Variants in UBR4 observed in about 807,000 individuals in gnomAD.
UBR4 encodes the protein ubiquitin protein ligase E3 component n-recognin 4.
In UBR4, 124 loss-of-function variants were observed where a neutral mutation model predicts 575.6. That is an observed-to-expected ratio of 0.22 (90% CI 0.19 to 0.25). UBR4 has a LOEUF of 0.25. Among genes scored for constraint, UBR4 ranks in the 10% least tolerant of loss-of-function variants. UBR4 has a pLI of 1.00. For synonymous variants in UBR4, 2,455 were observed against 2,473.7 expected (o/e 0.99, Z 0.22); for missense variants, 4,818 against 6,478.8 (o/e 0.74, Z 8.80).
rs1422629224 is a variant in UBR4 at position 19,088,532 on chromosome 1, T to C, written c.14430+227A>G. ...TCCTCAATAAACTTAATGGCTATTA[T>C]CACTGGTTTACTGTTTTGGTAAACT... On this transcript the variant is annotated intron_variant, in intron 98 of 105. Transcript: ENST00000375254. This position sits in a 1 kb window ranked among gnomAD's most constrained non-coding sequence, Gnocchi z 4.0. 6.6e-6 allele frequency among the ~76,000 whole-genome samples: 1 copy of C among 152,244 alleles called. No individual in the cohort carries two copies. The highest frequency in any genetic ancestry group is 1.5e-5 in the Non-Finnish European group (1 of 68,046).
At chr1:19,189,573 T>C (rs2091878365) in intron 11 of UBR4, among the ~76,000 whole-genome samples, 1 of 152,232 alleles carries the variant, frequency 6.6e-6, no homozygotes, top group Non-Finnish European at 1.5e-5. Context: ...ATATATTTTA[T>C]ATGTGCACAG....
intron 49 of UBR4, among the ~76,000 whole-genome samples, chr1:19,149,015 A>T (rs2085280116): frequency 6.6e-6 from 1 of 152,226 alleles, no homozygotes; most frequent in Non-Finnish European, 1.5e-5. Flanking sequence ...ACACAAAGGG[A>T]AAGGTAAAAA....
At chr1:19,126,350 T>C in intron 64 of UBR4, 96 bp downstream of exon 64, 1 of 1,470,422 alleles carries the variant, frequency 6.8e-7, no homozygotes, top group Non-Finnish European at 9.4e-7. Context: ...CCTATGGCTC[T>C]TCACCCTCAG....
At position 19,176,606 on chromosome 1, in the gene UBR4, T is replaced by A; in HGVS notation, c.2759A>T (p.Lys920Met). 6.2e-7 allele frequency: 1 copy of A among 1,613,866 alleles called. No homozygotes were observed. Among genetic ancestry groups the A allele is most frequent in the East Asian group, 2.2e-5 (1 of 44,890 alleles). ...TTCTTTCTGACCTGATGAGAAATGC[T>A]TAGACCAGTTTTCTTCTACTTCTTT... The part of the protein sequence containing the change: ...GFKEVEENWS[K>M]HFSSDAVPHP... The change falls in exon 20 of 106, where the codon AAG becomes ATG. Residue 920 changes from lysine to methionine, a missense_variant. Coordinates refer to ENST00000375254, the MANE Select transcript of UBR4 (RefSeq NM_020765.3).
At chr1:19,188,503 G>C (rs571667543) in intron 11 of UBR4, among the ~76,000 whole-genome samples, 2 of 152,026 alleles carry the variant, frequency 1.3e-5, no homozygotes, top group Non-Finnish European at 2.9e-5. Context: ...GCAGTGAACT[G>C]TGTTCATACT....
chr1:19,085,419 G>T (rs2076919913), intron 101 of UBR4, among the ~76,000 whole-genome samples: 1 of 152,230 alleles, frequency 6.6e-6, no homozygotes, highest in Non-Finnish European at 1.5e-5. Context: ...CTACTTGGGA[G>T]GCTGAGGCGG....
Position 19,139,559 on chromosome 1 carries a change from T to A in UBR4, c.8594-339A>T, listed in dbSNP as rs1227171319. ...AAGAATCTGTGACATGGACGCTGAG[T>A]TTTCTAGCTAAAATGCTTCATGGTC... is the stretch of plus-strand genomic sequence containing the variant. On this transcript the variant is annotated intron_variant, in intron 58 of 105. Transcript: ENST00000375254. The surrounding 1 kb of genome is among the most constrained non-coding windows in gnomAD (Gnocchi z 4.2). Among the ~76,000 whole-genome samples the A allele has an allele frequency of 6.6e-6, 1 of 151,988 alleles. No individual in the cohort carries two copies. Among genetic ancestry groups the A allele is most frequent in the South Asian group, 2.1e-4 (1 of 4,806 alleles).
chr1:19,093,223 C>A lies in UBR4; in HGVS notation c.14111+90G>T. ...GGCCCCAAGGAGGGCAAGGGGCACACGTGAAGCTTTATGCCAAGATGCTGA... is the reference window on the plus strand; with the variant it reads ...GGCCCCAAGGAGGGCAAGGGGCACAAGTGAAGCTTTATGCCAAGATGCTGA... On this transcript the variant is annotated intron_variant, in intron 96 of 105. Coordinates refer to ENST00000375254, the MANE Select transcript of UBR4 (RefSeq NM_020765.3). The surrounding 1 kb of genome is among the most constrained non-coding windows in gnomAD (Gnocchi z 4.8). 2 of 1,512,006 alleles carry A rather than the reference C, an allele frequency of 1.3e-6. No homozygotes were observed. Among genetic ancestry groups the A allele is most frequent in the East Asian group, 2.3e-5 (1 of 44,230 alleles). 93.7% of individuals were successfully genotyped at this position (1,512,006 alleles called of 1,614,324 possible).
intron 34 of UBR4, 96 bp from the exon 35 acceptor site, chr1:19,162,707 GA>G (rs1410299258): frequency 1.6e-5 from 22 of 1,385,348 alleles, no homozygotes; most frequent in Non-Finnish European, 2.0e-5. Flanking sequence ...CAAGATCAGA[GA>G]AATGGTATGA....
At chr1:19,181,898 A>C (rs538142983) in intron 17 of UBR4, among the ~76,000 whole-genome samples, 2 of 152,256 alleles carry the variant, frequency 1.3e-5, no homozygotes, top group South Asian at 4.1e-4. Flanking sequence ...ACTACCATCC[A>C]CGTCCAGAAC....
intron 97 of UBR4, among the ~76,000 whole-genome samples, chr1:19,091,410 G>C (rs1361248403): frequency 6.6e-6 from 1 of 152,186 alleles, no homozygotes; most frequent in Non-Finnish European, 1.5e-5. Context: ...ATTACCAAAT[G>C]AGACAGTGGA....
chr1:19,135,618 G>A (rs1433316117), intron 60 of UBR4, among the ~76,000 whole-genome samples: 4 of 152,070 alleles, frequency 2.6e-5, no homozygotes, highest in Non-Finnish European at 5.9e-5. Context: ...CCTATTTGAT[G>A]TTTTTTAATG....
At chr1:19,108,380 T>A (rs1459486683) in intron 81 of UBR4, among the ~76,000 whole-genome samples, 1 of 152,100 alleles carries the variant, frequency 6.6e-6, no homozygotes, top group Non-Finnish European at 1.5e-5. Flanking sequence ...AATTTGCCCA[T>A]CAGCCATTTT....
Position 19,093,821 on chromosome 1 carries a change from T to G in UBR4, c.13937+128A>C, listed in dbSNP as rs944810318. 5 of 1,093,466 alleles carry G rather than the reference T, an allele frequency of 4.6e-6. No homozygotes were observed. Among genetic ancestry groups the G allele is most frequent in the Non-Finnish European group, 6.5e-6 (5 of 774,936 alleles). The allele number at this position is 1,093,466 out of a possible 1,614,324, so 67.7% of individuals were successfully genotyped here. A position where few individuals can be genotyped will look rare whatever the true frequency, so the allele number is the denominator to read the frequency against. On this transcript the variant is annotated intron_variant, in intron 95 of 105. Transcript: ENST00000375254. This position sits in a 1 kb window ranked among gnomAD's most constrained non-coding sequence, Gnocchi z 4.8. The stretch of plus-strand genomic sequence containing the variant: ...TATTCACTTCCCAACTAGACTGAGC[T>G]CCTTAAAAGCCAGAACGAGGACACA...
intron 12 of UBR4, 64 bp downstream of exon 12, chr1:19,187,377 C>A: frequency 1.2e-6 from 2 of 1,610,776 alleles, no homozygotes; most frequent in Non-Finnish European, 1.7e-6. Flanking sequence ...ATGGATCAAG[C>A]TTGCTTGGCC....
chr1:19,166,734 A>C (rs1425712780), intron 29 of UBR4, among the ~76,000 whole-genome samples: 230 of 49,104 alleles, frequency 4.7e-3, no homozygotes, highest in East Asian at 0.039. Flanking sequence ...AAAAAAAAAA[A>C]AAAAAAAAAA....
chr1:19,177,659 C>G lies in UBR4; in HGVS notation c.2439G>C (p.Met813Ile), dbSNP rs1051660910. The G allele has an allele frequency of 1.9e-6, 3 of 1,614,068 alleles. No homozygotes were observed. The highest frequency in any genetic ancestry group is 2.5e-6 in the Non-Finnish European group (3 of 1,180,006). The change falls in exon 19 of 106, where the codon ATG (methionine) becomes ATC (isoleucine). Residue 813 changes from methionine to isoleucine, a missense_variant. Met to Ile is a conservative substitution (Grantham distance 10). Transcript: ENST00000375254. ...TEDLNVEHLQ[M>I]LLLIFHNFTE... is the part of the protein sequence containing the mutation. ...TGAAATTGTGGAAAATGAGGAGGAG[C>G]ATCTGCAGGTGTTCTACATTCAGAT...
chr1:19,181,040 A>C (rs1366317725), intron 17 of UBR4, among the ~76,000 whole-genome samples: 1 of 152,184 alleles, frequency 6.6e-6, no homozygotes, highest in Non-Finnish European at 1.5e-5. Flanking sequence ...CTCACATTCC[A>C]AACTATTTTC....
At position 19,153,257 on chromosome 1, in the gene UBR4, C is replaced by A; in HGVS notation, c.6832+44G>T. ...TATTCTGAGTCACTGTCTAGAAGAC[C>A]ACCATTCCTACTCCCCCACAAGTCA... On this transcript the variant is annotated intron_variant, in intron 46 of 105. Coordinates refer to ENST00000375254, the MANE Select transcript of UBR4 (RefSeq NM_020765.3). This position sits in a 1 kb window ranked among gnomAD's most constrained non-coding sequence, Gnocchi z 4.1. The A allele has an allele frequency of 6.3e-7, 1 of 1,597,598 alleles. No homozygotes were observed. Among genetic ancestry groups the A allele is most frequent in the South Asian group, 1.1e-5 (1 of 90,392 alleles).
Sources: gnomAD v4.1 joint callset for allele counts (sites outside exome capture counted in the v4.1 genomes callset) on GRCh38, gnomAD v4.1.1 for gene constraint, Gnocchi (gnomAD v3.1) non-coding constraint, MANE v1.5 for transcripts, NCBI Gene and HGNC (gene_info 2026-07-23, HGNC 2026-07-21) for gene names.